The following PDE1A variants were observed in gnomAD, a reference collection of about 807,000 sequenced individuals.
The protein encoded by PDE1A is dual specificity calcium/calmodulin-dependent 3',5'-cyclic nucleotide phosphodiesterase 1A.
In PDE1A, 35 loss-of-function variants were observed where a neutral mutation model predicts 61.7. The observed-to-expected ratio is 0.57, with a 90% CI of 0.43 to 0.75. The LOEUF is 0.75. Among genes scored for constraint, PDE1A ranks in the 30% least tolerant of loss-of-function variants. The pLI is 0.00. For synonymous variants in PDE1A, 232 were observed against 213.2 expected, an observed-to-expected ratio of 1.09 and a Z score of -0.77; for missense variants, 597 against 630.6, an observed-to-expected ratio of 0.95 and a Z score of 0.57.
At chr2:182,586,044 C>A in the PDE1A span, among the ~76,000 whole-genome samples, 1 of 152,110 alleles carries the variant, frequency 6.6e-6, no homozygotes, top group East Asian at 1.9e-4. Context: ...TAAGACAGGT[C>A]AAAATACTGA....
chr2:182,678,003 A>G, the PDE1A span, among the ~76,000 whole-genome samples: 1 of 152,250 alleles, frequency 6.6e-6, no homozygotes, highest in Admixed American at 6.5e-5. Flanking sequence ...GCAGCACAAA[A>G]GCCAGGAGCA....
the PDE1A span, among the ~76,000 whole-genome samples, chr2:182,589,283 G>GGAAGGAAGGAAGGAAA: frequency 2.0e-5 from 3 of 147,380 alleles, no homozygotes; most frequent in African/African-American, 7.5e-5. Context: ...AAGGAAGGAA[G>GGAAGGAAGGAAGGAAA]GAAGGAAGGA....
intron 13 of PDE1A, among the ~76,000 whole-genome samples, chr2:182,160,478 CTG>C (rs1340648288): frequency 6.6e-6 from 1 of 152,178 alleles, no homozygotes; most frequent in African/African-American, 2.4e-5. Flanking sequence ...TTTGGCCTCT[CTG>C]TCTCTCTCTT....
At chr2:182,184,300 T>C (rs1016054664) in intron 13 of PDE1A, among the ~76,000 whole-genome samples, 9 of 150,900 alleles carry the variant, frequency 6.0e-5, no homozygotes, top group Non-Finnish European at 8.9e-5. Flanking sequence ...ATCAAATTGC[T>C]GAAAGTCAAA....
intron 13 of PDE1A, among the ~76,000 whole-genome samples, chr2:182,160,178 T>C (rs571535917): frequency 6.6e-6 from 1 of 152,338 alleles, no homozygotes; most frequent in Non-Finnish European, 1.5e-5. Context: ...TCTAGAGTCC[T>C]GGATCCTAAC....
upstream of PDE1A, among the ~76,000 whole-genome samples, chr2:182,429,370 C>T (rs1703801694): frequency 6.6e-6 from 1 of 152,006 alleles, no homozygotes; most frequent in African/African-American, 2.4e-5. Flanking sequence ...ATTAACACAA[C>T]TGTAGTGTGC....
chr2:182,392,687 C>T (rs1701488106), intron 1 of PDE1A, among the ~76,000 whole-genome samples: 1 of 152,250 alleles, frequency 6.6e-6, no homozygotes, highest in Non-Finnish European at 1.5e-5. Context: ...AGGGCACAGG[C>T]ATTGGGTAAA....
the PDE1A span, among the ~76,000 whole-genome samples, chr2:182,550,361 T>C: frequency 6.6e-6 from 1 of 152,202 alleles, no homozygotes; most frequent in Non-Finnish European, 1.5e-5. Context: ...TTATTACAGC[T>C]GTAATAAAAC....
the PDE1A span, among the ~76,000 whole-genome samples, chr2:182,587,698 C>T: frequency 1.3e-5 from 2 of 152,142 alleles, no homozygotes; most frequent in African/African-American, 4.8e-5. Context: ...CTTCCCCTTT[C>T]TTAGTCTTGA....
chr2:182,456,809 G>A (rs1044119275), intron 2 of PDE1A, among the ~76,000 whole-genome samples: 2 of 152,072 alleles, frequency 1.3e-5, no homozygotes, highest in Non-Finnish European at 2.9e-5. Flanking sequence ...GTGCGTGTGT[G>A]TTTATATGTA....
At chr2:182,333,415 G>GATT (rs1326588628) in intron 1 of PDE1A, among the ~76,000 whole-genome samples, 1 of 152,098 alleles carries the variant, frequency 6.6e-6, no homozygotes, top group African/African-American at 2.4e-5. Flanking sequence ...TAGAACTCAG[G>GATT]ATTAAAAAAT....
chr2:182,695,410 T>C, the PDE1A span, among the ~76,000 whole-genome samples: 1 of 150,130 alleles, frequency 6.7e-6, no homozygotes, highest in Non-Finnish European at 1.5e-5. Flanking sequence ...TGTCTGAGAG[T>C]TTAAAACTCA....
intron 10 of PDE1A, among the ~76,000 whole-genome samples, chr2:182,193,593 T>C (rs1685891201): frequency 6.6e-6 from 1 of 152,104 alleles, no homozygotes; most frequent in African/African-American, 2.4e-5. Flanking sequence ...TTAGGCCCTC[T>C]AATGACCCTT....
chr2:182,329,395 A>T (rs570833956), intron 1 of PDE1A, among the ~76,000 whole-genome samples: 9 of 148,918 alleles, frequency 6.0e-5, no homozygotes, highest in South Asian at 4.3e-4. Flanking sequence ...TTATTTTATT[A>T]TTTTTTTTTT....
At chr2:182,611,026 TAA>T in the PDE1A span, among the ~76,000 whole-genome samples, 1 of 152,232 alleles carries the variant, frequency 6.6e-6, no homozygotes, top group Non-Finnish European at 1.5e-5. Flanking sequence ...TCTGAAAATT[TAA>T]AGTTCTTTGA....
At chr2:182,358,554 C>A (rs1306688719) in intron 1 of PDE1A, among the ~76,000 whole-genome samples, 1 of 152,116 alleles carries the variant, frequency 6.6e-6, no homozygotes, top group Non-Finnish European at 1.5e-5. Context: ...TCCTCTAGCA[C>A]TTTGTTCAGA....
In PDE1A at chr2:182,313,438, G is replaced by A. The variant is rs190740337; in HGVS notation, c.54-49024C>T. Among the ~76,000 whole-genome samples the A allele has an allele frequency of 1.4e-4, 22 of 152,078 alleles. No homozygotes were observed. The East Asian group carries it at 4.2e-3, about 29-fold the overall frequency. On this transcript the variant is annotated intron_variant, in intron 1 of 13. Transcript: ENST00000351439. Reference sequence around the variant, plus strand: ...CAAAAAAAAAAGTAAATTATTTCCGGCTTTCTACATAGGCAATCAGATGTT... The same window carrying A: ...CAAAAAAAAAAGTAAATTATTTCCGACTTTCTACATAGGCAATCAGATGTT...
chr2:182,176,741 A>C (rs1311811082), intron 13 of PDE1A, among the ~76,000 whole-genome samples: 1 of 145,120 alleles, frequency 6.9e-6, no homozygotes, highest in Admixed American at 6.9e-5. Context: ...GAGTGGTGAG[A>C]GAGGGCATCC....
chr2:182,160,366 G>A (rs187100608), intron 13 of PDE1A, among the ~76,000 whole-genome samples: 2 of 152,264 alleles, frequency 1.3e-5, no homozygotes, highest in African/African-American at 4.8e-5. Flanking sequence ...TTAGTGAACT[G>A]GGCCACCCTC....
Sources: allele counts gnomAD v4.1 joint callset (sites outside exome capture counted in the v4.1 genomes callset), GRCh38; gene constraint gnomAD v4.1.1; transcripts MANE v1.5; gene names NCBI Gene and HGNC (gene_info 2026-07-23, HGNC 2026-07-21).